Variants in C16orf96 observed in about 807,000 individuals in gnomAD.
The protein encoded by C16orf96 is chromosome 16 open reading frame 96.
A neutral mutation model predicts 103.6 loss-of-function variants in C16orf96; 108 were observed. That is an observed-to-expected ratio of 1.04 (90% confidence interval 0.89 to 1.22). C16orf96 has a LOEUF of 1.22. Ranked by LOEUF, C16orf96 falls within the 50% of genes most tolerant of loss-of-function variation. The pLI, the probability that C16orf96 is intolerant of heterozygous loss-of-function variation, is 0.00. For missense variants in C16orf96, 1,586 were observed against 1,464.2 expected, an observed-to-expected ratio of 1.08 and a Z score of -1.36; for synonymous variants, 566 against 593.5, an observed-to-expected ratio of 0.95 and a Z score of 0.67.
intron 8 of C16orf96, 57 bp from the exon 9 acceptor site, chr16:4,588,110 A>T: frequency 6.6e-7 from 1 of 1,517,462 alleles, no homozygotes; most frequent in African/African-American, 1.4e-5. Context: ...GATGTCTCCC[A>T]GCTTTGCCTT....
chr16:4,568,099 C>T (rs2059400743), intron 1 of C16orf96, among the ~76,000 whole-genome samples: 2 of 152,040 alleles, frequency 1.3e-5, no homozygotes, highest in Admixed American at 1.3e-4. Flanking sequence ...GAGACGGGAG[C>T]TCACTATGTT....
Position 4,600,485 on chromosome 16 carries a change from A to T in C16orf96, c.*168A>T, listed in dbSNP as rs1596543208. 4 of 336,622 alleles carry T rather than the reference A, an allele frequency of 1.2e-5. No homozygotes were observed. The highest frequency in any genetic ancestry group is 5.2e-6 in the Non-Finnish European group (1 of 191,468). 20.9% of individuals were successfully genotyped at this position (336,622 alleles called of 1,614,324 possible). A position where few individuals can be genotyped will look rare whatever the true frequency, so the allele number is the denominator to read the frequency against. On this transcript the variant is annotated 3_prime_UTR_variant, in exon 16 of 16. Coordinates refer to ENST00000444310, the MANE Select transcript of C16orf96 (RefSeq NM_001145011.2). ...CCCTCCATGTCCGAGGCTGAGGCTC[A>T]TGCGCCCCCCCCCATCCCTACCAAG... is the stretch of plus-strand genomic sequence containing the variant.
chr16:4,562,774 C>G (rs1187599847), intron 1 of C16orf96: 1 of 997,008 alleles, frequency 1.0e-6, no homozygotes, highest in Non-Finnish European at 1.5e-6. Flanking sequence ...ATTAAAACAA[C>G]TAGAACAGTA....
chr16:4,581,317 A>C (rs1334936290), intron 7 of C16orf96, among the ~76,000 whole-genome samples: 1 of 149,522 alleles, frequency 6.7e-6, no homozygotes, highest in Non-Finnish European at 1.5e-5. Flanking sequence ...CCTGGGCAAC[A>C]AGAGCGAAAC....
intron 7 of C16orf96, among the ~76,000 whole-genome samples, chr16:4,583,225 C>T (rs902693418): frequency 3.3e-5 from 5 of 150,002 alleles, no homozygotes; most frequent in South Asian, 2.1e-4. Flanking sequence ...GCAACAAGAG[C>T]AAAACTCCAT....
chr16:4,593,191 C>T lies in C16orf96; in HGVS notation c.2775-33C>T. On this transcript the variant is annotated intron_variant, in intron 11 of 15. Transcript: ENST00000444310. This position sits in a 1 kb window ranked among gnomAD's most constrained non-coding sequence, Gnocchi z 4.2. ...CCCTCTGCTGGCCTAGCACGCCTCC[C>T]ACAGCCCCTGCTGTGCCCTTGTCCT... The T allele has an allele frequency of 1.3e-6, 2 of 1,546,298 alleles. No homozygotes were observed. Among genetic ancestry groups the T allele is most frequent in the Non-Finnish European group, 1.8e-6 (2 of 1,142,698 alleles).
chr16:4,592,464 T>C, intron 11 of C16orf96, 97 bp downstream of exon 11: 3 of 1,376,378 alleles, frequency 2.2e-6, no homozygotes, highest in East Asian at 5.0e-5. Flanking sequence ...CCATGCACGC[T>C]GTGTGTCTAC....
Position 4,575,606 on chromosome 16 carries a change from C to T in C16orf96, c.1126C>T (p.Pro376Ser), listed in dbSNP as rs757052119. ...GCCTGTGCTTGGACCTGTGCCTGCC[C>T]CAGGTGCCCAGCCTCCACCACTGGG... ...PWPVLGPVPA[P>S]GAQPPPLGDW... Residue 376 changes from proline (P) to serine (S), a missense_variant, in exon 5 of 16, where the codon CCA becomes TCA. Pro to Ser is a moderately conservative substitution (Grantham distance 74, BLOSUM62 -1). Transcript: ENST00000444310. 51 of 1,512,166 alleles carry T rather than the reference C, an allele frequency of 3.4e-5. No individual in the cohort carries two copies. Among genetic ancestry groups the T allele is most frequent in the Non-Finnish European group, 4.1e-5 (46 of 1,130,074 alleles). 93.7% of individuals were successfully genotyped at this position (1,512,166 alleles called of 1,614,324 possible). A position where few individuals can be genotyped will look rare whatever the true frequency, so the allele number is the denominator to read the frequency against.
chr16:4,548,128 C>A, the C16orf96 span, among the ~76,000 whole-genome samples: 7 of 152,104 alleles, frequency 4.6e-5, no homozygotes, highest in African/African-American at 1.7e-4. Context: ...CGGGAGAATT[C>A]GGACATGTGA....
Position 4,575,810 on chromosome 16 carries a change from C to T in C16orf96, c.1330C>T (p.Arg444Cys), listed in dbSNP as rs768797605. 2.6e-5 allele frequency: 41 copies of T among 1,551,040 alleles called. No homozygotes were observed. The highest frequency in any genetic ancestry group is 3.9e-5 in the Admixed American group (2 of 50,984). The change falls in exon 5 of 16, where the codon CGC becomes TGC. Residue 444 changes from arginine (R) to cysteine (C), a missense_variant. Arg to Cys is a radical substitution (Grantham distance 180). Transcript: ENST00000444310. ...WPRPLQPYQS[R>C]QGEALQLAAV... Reference sequence around the variant, plus strand: ...TCGACCACTCCAGCCATATCAGTCTCGCCAGGGAGAAGCCCTCCAGCTCGC... The same window carrying T: ...TCGACCACTCCAGCCATATCAGTCTTGCCAGGGAGAAGCCCTCCAGCTCGC...
In C16orf96 at chr16:4,576,354, G is replaced by T; in HGVS notation, c.1874G>T (p.Gly625Val). ...CTAGGGGTCTTTGCAGATGTCCTGG[G>T]TGCAGGGCCTTCCCGGGGAGCCACA... ...GPLGVFADVL[G>V]AGPSRGATES... The change falls in exon 5 of 16, where the codon GGT becomes GTT. Residue 625 changes from glycine (G) to valine (V), a missense_variant. Transcript: ENST00000444310. 2 of 1,550,894 alleles carry T rather than the reference G, an allele frequency of 1.3e-6. No homozygotes were observed. The highest frequency in any genetic ancestry group is 1.7e-6 in the Non-Finnish European group (2 of 1,146,996).
At chr16:4,544,081 G>T in the C16orf96 span, among the ~76,000 whole-genome samples, 1 of 152,180 alleles carries the variant, frequency 6.6e-6, no homozygotes. Context: ...GGTCATAGAG[G>T]GGGTAGGGCC....
chr16:4,554,091 G>A (rs2059242695), upstream of C16orf96, among the ~76,000 whole-genome samples: 1 of 152,120 alleles, frequency 6.6e-6, no homozygotes, highest in Non-Finnish European at 1.5e-5. Context: ...CAAGCAGGCT[G>A]GGATTCTCTT....
At chr16:4,585,655 G>A (rs1290492478) in intron 7 of C16orf96, among the ~76,000 whole-genome samples, 1 of 152,120 alleles carries the variant, frequency 6.6e-6, no homozygotes, top group Non-Finnish European at 1.5e-5. Context: ...TGCGGTTGCT[G>A]CGGCAAATCA....
At chr16:4,582,750 C>T (rs540663324) in intron 7 of C16orf96, among the ~76,000 whole-genome samples, 1 of 152,280 alleles carries the variant, frequency 6.6e-6, no homozygotes, top group East Asian at 1.9e-4. Context: ...TTCAGCATGT[C>T]CATCGTGCAC....
chr16:4,551,216 G>A, the C16orf96 span, among the ~76,000 whole-genome samples: 1 of 152,232 alleles, frequency 6.6e-6, no homozygotes, highest in Non-Finnish European at 1.5e-5. Flanking sequence ...GGCTGCGTGA[G>A]CTGCGATCGC....
intron 1 of C16orf96, among the ~76,000 whole-genome samples, chr16:4,570,744 G>A (rs1157742227): frequency 6.6e-6 from 1 of 152,084 alleles, no homozygotes; most frequent in Non-Finnish European, 1.5e-5. Flanking sequence ...GGGATTATAG[G>A]CATGAGCCAC....
chr16:4,597,033 A>T (rs1163825549), intron 14 of C16orf96, among the ~76,000 whole-genome samples: 1 of 152,124 alleles, frequency 6.6e-6, no homozygotes, highest in Admixed American at 6.5e-5. Context: ...ACCTGCAAAG[A>T]CCCTTTCTCC....
At chr16:4,543,763 A>G in the C16orf96 span, among the ~76,000 whole-genome samples, 7 of 152,084 alleles carry the variant, frequency 4.6e-5, no homozygotes, top group South Asian at 2.1e-4. Context: ...TGCCTCAGCC[A>G]TCCAAGTAGC....
Sources: gnomAD v4.1 joint callset for allele counts (sites outside exome capture counted in the v4.1 genomes callset) on GRCh38, gnomAD v4.1.1 for gene constraint, Gnocchi (gnomAD v3.1) non-coding constraint, MANE v1.5 for transcripts, NCBI Gene and HGNC (gene_info 2026-07-23, HGNC 2026-07-21) for gene names.